KDM2A: variants seen among roughly 807,000 people sequenced by gnomAD.
KDM2A encodes the protein lysine demethylase 2A, also known as lysine-specific demethylase 2A.
A neutral mutation model predicts 137.3 loss-of-function variants in KDM2A; 3 were observed. The observed-to-expected ratio is 0.02, with a 90% CI of 0.01 to 0.06. The LOEUF (loss-of-function observed/expected upper bound fraction) is 0.06, where lower values mean the gene tolerates loss of function less well. KDM2A is among the 10% of genes least tolerant of loss of function. The probability of loss-of-function intolerance (pLI) is 1.00; values close to 1 mark genes in which losing one functional copy is unlikely to be tolerated. For missense variants in KDM2A, 738 were observed against 1,510.6 expected (o/e 0.49, Z 8.48); for synonymous variants, 512 against 541.5 (o/e 0.95, Z 0.76).
Position 67,207,464 on chromosome 11 carries a change from G to C in KDM2A, c.308-46G>C, listed in dbSNP as rs770994964. 5 of 1,402,266 alleles carry C rather than the reference G, an allele frequency of 3.6e-6. No homozygotes were observed. The South Asian group carries it at 7.8e-5, about 22-fold the overall frequency. 86.9% of individuals were successfully genotyped at this position (1,402,266 alleles called of 1,614,324 possible). A position where few individuals can be genotyped will look rare whatever the true frequency, so the allele number is the denominator to read the frequency against. On this transcript the variant is annotated intron_variant, in intron 5 of 20. Transcript: ENST00000529006. ...AAAAAATATTCTTACTATATTTAAG[G>C]ATATTAGTGGCTCGATAGAGATGAT...
chr11:67,245,786 G>C lies in KDM2A; in HGVS notation c.1834-199G>C. On this transcript the variant is annotated intron_variant, in intron 14 of 20. Transcript: ENST00000529006. This position sits in a 1 kb window ranked among gnomAD's most constrained non-coding sequence, Gnocchi z 4.1. ...GCCAACTGAAAATAAACTAGTCTCTGGTGCCCAGGTGGTTGAGTCCTCCTC... is the reference window on the plus strand; with the variant it reads ...GCCAACTGAAAATAAACTAGTCTCTCGTGCCCAGGTGGTTGAGTCCTCCTC... 1 of 637,370 alleles carries C rather than the reference G, an allele frequency of 1.6e-6. No individual in the cohort carries two copies. Among genetic ancestry groups the C allele is most frequent in the Non-Finnish European group, 2.7e-6 (1 of 376,764 alleles). The allele number at this position is 637,370 out of a possible 1,614,324, so 39.5% of individuals were successfully genotyped here. A position where few individuals can be genotyped will look rare whatever the true frequency, so the allele number is the denominator to read the frequency against.
At chr11:67,168,214 G>A (rs1483774129) in intron 2 of KDM2A, among the ~76,000 whole-genome samples, 1 of 152,034 alleles carries the variant, frequency 6.6e-6, no homozygotes, top group Non-Finnish European at 1.5e-5. Context: ...CTATAGAGGA[G>A]CAACACAGTC....
rs1347758663 is a variant in KDM2A, at chr11:67,218,014, T to C, written c.841+130T>C. The C allele has an allele frequency of 4.2e-5, 34 of 813,854 alleles. 1 individual carries two copies. Among genetic ancestry groups the C allele is most frequent in the Admixed American group, 9.0e-5 (3 of 33,348 alleles). The allele number at this position is 813,854 out of a possible 1,614,324, so 50.4% of individuals were successfully genotyped here. On this transcript the variant is annotated intron_variant, in intron 9 of 20. Coordinates refer to ENST00000529006, the MANE Select transcript of KDM2A (RefSeq NM_012308.3). ...AAAACAACAGTGTTTCTTCCTGTCATTATGGAATAGATGCTGAGGTTTTGT... is the reference window on the plus strand; with the variant it reads ...AAAACAACAGTGTTTCTTCCTGTCACTATGGAATAGATGCTGAGGTTTTGT...
intron 2 of KDM2A, among the ~76,000 whole-genome samples, chr11:67,146,116 T>C (rs1856241464): frequency 6.6e-6 from 1 of 150,836 alleles, no homozygotes; most frequent in Non-Finnish European, 1.5e-5. Context: ...CTCAGCCTCC[T>C]GAGTAGCTGG....
At chr11:67,196,123 A>C in intron 5 of KDM2A, 2 of 387,626 alleles carry the variant, frequency 5.2e-6, no homozygotes, top group South Asian at 3.9e-5. Context: ...AGGAGCAACG[A>C]CATAGTCACC....
intron 10 of KDM2A, among the ~76,000 whole-genome samples, chr11:67,221,044 A>C (rs1217011991): frequency 1.3e-5 from 2 of 151,652 alleles, no homozygotes; most frequent in African/African-American, 2.4e-5. Flanking sequence ...GGTAAAAAAC[A>C]CTCCTAGTTC....
At chr11:67,130,545 T>C (rs1241930863) in intron 2 of KDM2A, among the ~76,000 whole-genome samples, 2 of 152,200 alleles carry the variant, frequency 1.3e-5, no homozygotes, top group Non-Finnish European at 2.9e-5. Context: ...ATGTTTGTGT[T>C]ATTCTCGGGT....
intron 17 of KDM2A, 22 bp from the exon 18 acceptor site, chr11:67,252,672 G>A (rs376765170): frequency 1.2e-6 from 2 of 1,613,668 alleles, no homozygotes; most frequent in African/African-American, 2.7e-5. Flanking sequence ...ATGAAGGCGA[G>A]TTCTCTTCCC....
chr11:67,158,764 T>G (rs1405366767), intron 2 of KDM2A, among the ~76,000 whole-genome samples: 1 of 152,168 alleles, frequency 6.6e-6, no homozygotes, highest in Non-Finnish European at 1.5e-5. Flanking sequence ...GCTCGTATTA[T>G]AGGCGTGAAC....
intron 2 of KDM2A, among the ~76,000 whole-genome samples, chr11:67,156,924 A>G (rs1189847029): frequency 6.6e-6 from 1 of 151,778 alleles, no homozygotes; most frequent in East Asian, 1.9e-4. Flanking sequence ...TTCAGTGCCC[A>G]CAAATAAACT....
chr11:67,164,106 T>A (rs1445744728), intron 2 of KDM2A, among the ~76,000 whole-genome samples: 1 of 152,134 alleles, frequency 6.6e-6, no homozygotes, highest in African/African-American at 2.4e-5. Context: ...ATGTTTTCAT[T>A]TAAACATCAC....
chr11:67,250,915 A>G lies in KDM2A; in HGVS notation c.2768+117A>G. 1 of 778,304 alleles carries G rather than the reference A, an allele frequency of 1.3e-6. No individual in the cohort carries two copies. 48.2% of individuals were successfully genotyped at this position (778,304 alleles called of 1,614,324 possible). On this transcript the variant is annotated intron_variant, in intron 17 of 20. Coordinates refer to ENST00000529006, the MANE Select transcript of KDM2A (RefSeq NM_012308.3). The surrounding 1 kb of genome is among the most constrained non-coding windows in gnomAD (Gnocchi z 7.1). Reference sequence around the variant, plus strand: ...AGCCTGTGGGGTCTTATGAGGAGTGAATTGACCCTTTTTCCCAAACTTTGG... The same window carrying G: ...AGCCTGTGGGGTCTTATGAGGAGTGGATTGACCCTTTTTCCCAAACTTTGG...
rs548625813 is a variant in KDM2A at position 67,159,913 on chromosome 11, T to G, written c.43-20166T>G. 2.0e-5 allele frequency among the ~76,000 whole-genome samples: 3 copies of G among 152,304 alleles called. No individual in the cohort carries two copies. The East Asian group carries it at 5.8e-4, about 29-fold the overall frequency. Reference sequence around the variant, plus strand: ...AATACAGAGTTGTAGTATGAGATGATGAAAAAATTCGGGAGATGGATAGTG... The same window carrying G: ...AATACAGAGTTGTAGTATGAGATGAGGAAAAAATTCGGGAGATGGATAGTG... On this transcript the variant is annotated intron_variant, in intron 2 of 20. Transcript: ENST00000529006.
intron 10 of KDM2A, among the ~76,000 whole-genome samples, chr11:67,221,324 T>C (rs1858341189): frequency 6.6e-6 from 1 of 152,218 alleles, no homozygotes; most frequent in African/African-American, 2.4e-5. Context: ...AGTTGGAGAA[T>C]TGCAGAGAAG....
At chr11:67,190,432 G>C (rs1459005112) in intron 5 of KDM2A, among the ~76,000 whole-genome samples, 1 of 151,988 alleles carries the variant, frequency 6.6e-6, no homozygotes, top group Non-Finnish European at 1.5e-5. Context: ...GTGAAAGTGA[G>C]GACATTACTT....
intron 2 of KDM2A, among the ~76,000 whole-genome samples, chr11:67,163,357 G>T (rs1856674953): frequency 6.6e-6 from 1 of 152,144 alleles, no homozygotes; most frequent in Non-Finnish European, 1.5e-5. Flanking sequence ...TTAGACATTT[G>T]ATATGAAGAG....
intron 5 of KDM2A, among the ~76,000 whole-genome samples, chr11:67,200,754 G>C (rs924117854): frequency 1.3e-5 from 2 of 152,130 alleles, no homozygotes; most frequent in African/African-American, 4.8e-5. Flanking sequence ...GGATTTGCCT[G>C]CCTCAGCTTC....
In KDM2A at chr11:67,158,460, T is replaced by C. The variant is rs77467800; in HGVS notation, c.43-21619T>C. On this transcript the variant is annotated intron_variant, in intron 2 of 20. Transcript: ENST00000529006. ...CAGCACATTTTATGGTAAGAGTGTTTAGTTTTGTAAGAAGCTGCCAAGCTG... is the reference window on the plus strand; with the variant it reads ...CAGCACATTTTATGGTAAGAGTGTTCAGTTTTGTAAGAAGCTGCCAAGCTG... Among the ~76,000 whole-genome samples, 1,008 of 152,332 alleles carry C rather than the reference T, an allele frequency of 6.6e-3. 12 individuals carry two copies. The highest frequency in any genetic ancestry group is 0.022 in the African/African-American group (934 of 41,566).
chr11:67,128,529 G>A (rs370932518), intron 2 of KDM2A, among the ~76,000 whole-genome samples: 3 of 151,896 alleles, frequency 2.0e-5, no homozygotes, highest in African/African-American at 4.8e-5. Context: ...TCATTGTTGC[G>A]GCCTCCCTCC....
Sources: gnomAD v4.1 joint callset for allele counts (sites outside exome capture counted in the v4.1 genomes callset) on GRCh38, gnomAD v4.1.1 for gene constraint, Gnocchi (gnomAD v3.1) non-coding constraint, MANE v1.5 for transcripts, NCBI Gene and HGNC (gene_info 2026-07-23, HGNC 2026-07-21) for gene names.